ERC2: variants seen among roughly 807,000 people sequenced by gnomAD.
ERC2 encodes ERC protein 2.
Under a neutral mutation model 114.8 loss-of-function variants are expected in ERC2, and 42 were observed. The observed-to-expected ratio is 0.37, with a 90% confidence interval of 0.29 to 0.47. The LOEUF (loss-of-function observed/expected upper bound fraction) is 0.47. Among genes scored for constraint, ERC2 ranks in the 20% least tolerant of loss-of-function variants. The probability of loss-of-function intolerance (pLI) is 0.99; values close to 1 mark genes in which losing one functional copy is unlikely to be tolerated. For missense variants in ERC2, 939 were observed against 1,150.7 expected (o/e 0.82, Z 2.66); for synonymous variants, 454 against 425.5 (o/e 1.07, Z -0.82).
chr3:55,907,971 G>C (rs2064560797), intron 13 of ERC2, among the ~76,000 whole-genome samples: 1 of 152,168 alleles, frequency 6.6e-6, no homozygotes. Context: ...CAAAAACAAA[G>C]AGGGGACGAT....
At chr3:55,532,447 A>C (rs2053728533) in intron 17 of ERC2, among the ~76,000 whole-genome samples, 1 of 152,216 alleles carries the variant, frequency 6.6e-6, no homozygotes, top group African/African-American at 2.4e-5. Flanking sequence ...GCCCTCAAAC[A>C]AACAAGCAAA....
At position 55,787,875 on chromosome 3, in the gene ERC2, C is replaced by A. The variant is rs367615069; in HGVS notation, c.2565-52957G>T. 5.0e-4 allele frequency among the ~76,000 whole-genome samples: 76 copies of A among 152,282 alleles called. 3 individuals carry two copies. The South Asian group carries it at 0.015, about 29-fold the overall frequency. On this transcript the variant is annotated intron_variant, in intron 14 of 17. Transcript: ENST00000288221. ...CACATGGGCTTTCTAATTCCTGGGA[C>A]CTATTAGTCCCTAATAAGAAGAAAT...
At chr3:55,593,319 G>A (rs752785641) in intron 17 of ERC2, among the ~76,000 whole-genome samples, 8 of 152,194 alleles carry the variant, frequency 5.3e-5, no homozygotes, top group Non-Finnish European at 1.0e-4. Context: ...CCATGGGGGT[G>A]TGGGAGCACT....
chr3:56,225,529 T>C (rs192352266), intron 3 of ERC2, among the ~76,000 whole-genome samples: 2 of 152,350 alleles, frequency 1.3e-5, no homozygotes, highest in Non-Finnish European at 1.5e-5. Context: ...GTCTTCATCA[T>C]AGATAACATT....
At chr3:55,696,703 CTGATA>C (rs2062949665) in intron 16 of ERC2, among the ~76,000 whole-genome samples, 1 of 152,176 alleles carries the variant, frequency 6.6e-6, no homozygotes, top group Admixed American at 6.5e-5. Context: ...AGTACATATA[CTGATA>C]TATTAGTTAT....
chr3:55,721,743 T>A (rs1163037670), intron 15 of ERC2, among the ~76,000 whole-genome samples: 1 of 152,224 alleles, frequency 6.6e-6, no homozygotes, highest in Non-Finnish European at 1.5e-5. Context: ...TAAGGTGGCC[T>A]TTGCATCAGA....
chr3:55,641,420 T>C (rs2060177269), intron 17 of ERC2, among the ~76,000 whole-genome samples: 1 of 151,822 alleles, frequency 6.6e-6, no homozygotes, highest in African/African-American at 2.4e-5. Flanking sequence ...CATGGTGGCG[T>C]GCACCTGTAA....
chr3:56,432,661 G>A (rs1325865761), intron 2 of ERC2, among the ~76,000 whole-genome samples: 1 of 152,216 alleles, frequency 6.6e-6, no homozygotes. Flanking sequence ...TGCTTCTACA[G>A]GCGCTTAAAC....
chr3:55,900,031 T>C (rs2064047717), intron 13 of ERC2, among the ~76,000 whole-genome samples: 1 of 152,080 alleles, frequency 6.6e-6, no homozygotes, highest in Non-Finnish European at 1.5e-5. Flanking sequence ...GCAGCTAACT[T>C]TAGCCAAAAT....
chr3:55,545,969 G>T (rs923249735), intron 17 of ERC2, among the ~76,000 whole-genome samples: 2 of 152,200 alleles, frequency 1.3e-5, no homozygotes, highest in Non-Finnish European at 1.5e-5. Flanking sequence ...CGCATACAGG[G>T]TTACTCAGTA....
intron 16 of ERC2, among the ~76,000 whole-genome samples, chr3:55,685,629 A>G (rs1377448171): frequency 2.0e-5 from 3 of 152,148 alleles, no homozygotes; most frequent in Non-Finnish European, 4.4e-5. Flanking sequence ...TTGAAATTCA[A>G]TGAAGAATGT....
At chr3:55,925,297 C>T (rs1013529860) in intron 13 of ERC2, among the ~76,000 whole-genome samples, 3 of 152,014 alleles carry the variant, frequency 2.0e-5, no homozygotes, top group Non-Finnish European at 4.4e-5. Context: ...ATCTTAGGTA[C>T]GGCAGTTATG....
chr3:55,692,735 G>T (rs985482386), intron 16 of ERC2, among the ~76,000 whole-genome samples: 3 of 152,158 alleles, frequency 2.0e-5, no homozygotes, highest in Non-Finnish European at 4.4e-5. Flanking sequence ...CAGAGTATAG[G>T]TTCAGTACTG....
intron 14 of ERC2, among the ~76,000 whole-genome samples, chr3:55,870,595 A>G (rs2149281401): frequency 6.6e-6 from 1 of 152,252 alleles, no homozygotes; most frequent in Non-Finnish European, 1.5e-5. Context: ...TGTAGGGCCA[A>G]GATTCAAATC....
chr3:56,308,411 T>C (rs2056355536), intron 2 of ERC2, among the ~76,000 whole-genome samples: 1 of 152,168 alleles, frequency 6.6e-6, no homozygotes. Context: ...AAAAATACAC[T>C]TTGCCTTAGC....
At chr3:56,283,987 C>T (rs976491216) in intron 3 of ERC2, among the ~76,000 whole-genome samples, 4 of 152,174 alleles carry the variant, frequency 2.6e-5, no homozygotes, top group African/African-American at 9.7e-5. Flanking sequence ...GCAAGATTCT[C>T]TGCAAAAAAA....
intron 17 of ERC2, among the ~76,000 whole-genome samples, chr3:55,553,447 A>G (rs1445918339): frequency 2.6e-5 from 4 of 151,504 alleles, no homozygotes; most frequent in Admixed American, 2.0e-4. Context: ...ATATGGAGGT[A>G]TTGTGGGGTT....
At chr3:56,417,009 T>C (rs1484186299) in intron 2 of ERC2, among the ~76,000 whole-genome samples, 2 of 152,214 alleles carry the variant, frequency 1.3e-5, no homozygotes, top group Admixed American at 6.5e-5. Flanking sequence ...GTACAAACTA[T>C]TGAAGTGTCA....
At chr3:55,912,589 T>C (rs573309976) in intron 13 of ERC2, among the ~76,000 whole-genome samples, 368 of 152,324 alleles carry the variant, frequency 2.4e-3, no homozygotes, top group African/African-American at 8.3e-3. Context: ...GCCATTCTAA[T>C]TTTCTAAGAC....
Sources: gnomAD v4.1 joint callset for allele counts (sites outside exome capture counted in the v4.1 genomes callset) on GRCh38, gnomAD v4.1.1 for gene constraint, MANE v1.5 for transcripts, NCBI Gene and HGNC (gene_info 2026-07-23, HGNC 2026-07-21) for gene names.